DPYSL5: variants seen among roughly 807,000 people sequenced by gnomAD.
DPYSL5 encodes dihydropyrimidinase like 5, also known as dihydropyrimidinase-related protein 5.
A neutral mutation model predicts 58.4 loss-of-function variants in DPYSL5; 9 were observed. The observed-to-expected ratio is 0.15, with a 90% CI of 0.09 to 0.27. The LOEUF (loss-of-function observed/expected upper bound fraction) is 0.27, where lower values mean the gene tolerates loss of function less well. DPYSL5 is among the 10% of genes least tolerant of loss of function. The pLI is 1.00. For missense variants in DPYSL5, 499 were observed against 770.6 expected, an observed-to-expected ratio of 0.65 and a Z score of 4.17; for synonymous variants, 293 against 301.9, an observed-to-expected ratio of 0.97 and a Z score of 0.31.
chr2:26,923,293 T>C (rs182525725), intron 2 of DPYSL5, among the ~76,000 whole-genome samples: 203 of 152,314 alleles, frequency 1.3e-3, no homozygotes, highest in African/African-American at 4.7e-3. Context: ...ATTGCACCAC[T>C]GTACTCCAGC....
Position 26,931,687 on chromosome 2 carries a change from A to G in DPYSL5, c.714+3A>G. On this transcript the variant is annotated splice_donor_region_variant and intron_variant, in intron 6 of 12. Coordinates refer to ENST00000288699, the MANE Select transcript of DPYSL5 (RefSeq NM_020134.4). ...GTGTTATCACCATTGCAAACAGGGT[A>G]AGTCCCCCGATGTCCACTGTGGGAT... 6.2e-7 allele frequency: 1 copy of G among 1,613,872 alleles called. No individual in the cohort carries two copies. Among genetic ancestry groups the G allele is most frequent in the East Asian group, 2.2e-5 (1 of 44,866 alleles).
intron 12 of DPYSL5, among the ~76,000 whole-genome samples, chr2:26,945,542 C>T (rs1418906043): frequency 1.3e-5 from 2 of 149,800 alleles, no homozygotes; most frequent in Non-Finnish European, 3.0e-5. Context: ...ATGCGAGCCA[C>T]GGGCTCATAA....
intron 1 of DPYSL5, among the ~76,000 whole-genome samples, chr2:26,869,729 C>T (rs1054094475): frequency 2.6e-5 from 4 of 151,896 alleles, no homozygotes; most frequent in African/African-American, 7.3e-5. Context: ...CATAATGTAT[C>T]GGCCGGACGC....
At chr2:26,940,243 A>G (rs1274306957) in intron 9 of DPYSL5, 71 bp downstream of exon 9, 1 of 1,560,534 alleles carries the variant, frequency 6.4e-7, no homozygotes, top group Non-Finnish European at 8.7e-7. Context: ...TTCTAATCCC[A>G]ATAAGAGTAT....
intron 1 of DPYSL5, among the ~76,000 whole-genome samples, chr2:26,871,511 T>C (rs1663261211): frequency 1.3e-5 from 2 of 152,138 alleles, no homozygotes; most frequent in South Asian, 4.1e-4. Flanking sequence ...GGTGCCATCT[T>C]GGCTCACTGC....
At chr2:26,906,082 A>G (rs1352905457) in intron 2 of DPYSL5, among the ~76,000 whole-genome samples, 2 of 151,258 alleles carry the variant, frequency 1.3e-5, no homozygotes, top group African/African-American at 4.9e-5. Context: ...ACCCTTTGCC[A>G]CCTGCCCCTT....
At chr2:26,930,800 C>T (rs1341400206) in intron 5 of DPYSL5, among the ~76,000 whole-genome samples, 2 of 151,998 alleles carry the variant, frequency 1.3e-5, no homozygotes, top group Non-Finnish European at 2.9e-5. Flanking sequence ...TGGTGAAATC[C>T]TGTCTCTACT....
At chr2:26,936,100 C>T (rs566161649) in intron 8 of DPYSL5, among the ~76,000 whole-genome samples, 3 of 152,284 alleles carry the variant, frequency 2.0e-5, no homozygotes, top group Admixed American at 1.3e-4. Flanking sequence ...TCCTTGTCTT[C>T]AGGGTGGACT....
chr2:26,889,840 A>G (rs1663827484), intron 1 of DPYSL5, among the ~76,000 whole-genome samples: 1 of 152,188 alleles, frequency 6.6e-6, no homozygotes, highest in South Asian at 2.1e-4. Context: ...GCACACACAG[A>G]CAGCCTGTGC....
chr2:26,941,220 G>A (rs941818642), intron 9 of DPYSL5, among the ~76,000 whole-genome samples: 2 of 152,134 alleles, frequency 1.3e-5, no homozygotes, highest in Non-Finnish European at 2.9e-5. Flanking sequence ...TTACAGGCAT[G>A]AGCCACTGCA....
chr2:26,853,501 A>G (rs1382997190), intron 1 of DPYSL5, among the ~76,000 whole-genome samples: 1 of 152,204 alleles, frequency 6.6e-6, no homozygotes, highest in Non-Finnish European at 1.5e-5. Flanking sequence ...GGACACCCAG[A>G]TGGGGACATG....
At chr2:26,932,103 GAAAGA>G (rs1166926851) in intron 6 of DPYSL5, among the ~76,000 whole-genome samples, 1 of 104,866 alleles carries the variant, frequency 9.5e-6, no homozygotes, top group Non-Finnish European at 2.0e-5. Context: ...GAAAGAGAAA[GAAAGA>G]AAAGAAAAAA....
chr2:26,876,735 C>T (rs564367617), intron 1 of DPYSL5, among the ~76,000 whole-genome samples: 1 of 151,678 alleles, frequency 6.6e-6, no homozygotes, highest in Non-Finnish European at 1.5e-5. Context: ...AGGCTGGTCT[C>T]GAACTCCTGA....
intron 2 of DPYSL5, among the ~76,000 whole-genome samples, chr2:26,904,115 C>T (rs1392806337): frequency 1.3e-5 from 2 of 152,212 alleles, no homozygotes; most frequent in African/African-American, 2.4e-5. Flanking sequence ...CAGCCAGTCT[C>T]GCAGGCTAGG....
At chr2:26,863,265 C>A (rs1411984953) in intron 1 of DPYSL5, among the ~76,000 whole-genome samples, 2 of 152,226 alleles carry the variant, frequency 1.3e-5, no homozygotes, top group African/African-American at 4.8e-5. Flanking sequence ...ACAGCTCTGA[C>A]ATGGGCCCCA....
chr2:26,887,173 C>A (rs1217312883), intron 1 of DPYSL5, among the ~76,000 whole-genome samples: 1 of 152,248 alleles, frequency 6.6e-6, no homozygotes, highest in African/African-American at 2.4e-5. Context: ...TCTGTAAAAT[C>A]ATACGTTTTT....
At chr2:26,884,392 C>T (rs1315377993) in intron 1 of DPYSL5, among the ~76,000 whole-genome samples, 2 of 152,128 alleles carry the variant, frequency 1.3e-5, no homozygotes, top group African/African-American at 4.8e-5. Flanking sequence ...GCCTCCTGGC[C>T]TCAGGGAGTC....
chr2:26,896,138 G>A (rs994835396), intron 1 of DPYSL5, among the ~76,000 whole-genome samples: 1 of 152,010 alleles, frequency 6.6e-6, no homozygotes, highest in Non-Finnish European at 1.5e-5. Context: ...AGAGCATGTG[G>A]TATTTGTCTT....
intron 1 of DPYSL5, among the ~76,000 whole-genome samples, chr2:26,886,325 A>T (rs1663720120): frequency 6.6e-6 from 1 of 152,190 alleles, no homozygotes; most frequent in African/African-American, 2.4e-5. Flanking sequence ...TGAGGTGTGG[A>T]GACTTAAACA....
Sources: allele counts gnomAD v4.1 joint callset (sites outside exome capture counted in the v4.1 genomes callset), GRCh38; gene constraint gnomAD v4.1.1; transcripts MANE v1.5; gene names NCBI Gene and HGNC (gene_info 2026-07-23, HGNC 2026-07-21).